VAT1L: variants seen among roughly 807,000 people sequenced by gnomAD.
VAT1L encodes putative NADPH-dependent quinone oxidoreductase VAT1L.
In VAT1L, 34 loss-of-function variants were observed where a neutral mutation model predicts 44.1. That is an observed-to-expected ratio of 0.77 (90% CI 0.59 to 1.03). The LOEUF is 1.03. Ranked by LOEUF, VAT1L falls within the 50% of genes least tolerant of loss-of-function variation. The probability of loss-of-function intolerance (pLI) is 0.00; values close to 1 mark genes in which losing one functional copy is unlikely to be tolerated. For synonymous variants in VAT1L, 253 were observed against 202.2 expected (o/e 1.25, Z -2.13); for missense variants, 615 against 538.8 (o/e 1.14, Z -1.40).
At chr16:77,903,290 A>C (rs959260999) in intron 7 of VAT1L, among the ~76,000 whole-genome samples, 1 of 152,112 alleles carries the variant, frequency 6.6e-6, no homozygotes, top group African/African-American at 2.4e-5. Context: ...TGTAAGCTCT[A>C]CCTCTGATTT....
intron 3 of VAT1L, among the ~76,000 whole-genome samples, chr16:77,842,435 G>A (rs964950199): frequency 5.9e-5 from 9 of 152,238 alleles, no homozygotes; most frequent in Non-Finnish European, 1.0e-4. Flanking sequence ...TGTGCATGGA[G>A]TGTGGAGTCT....
At chr16:77,852,350 C>T (rs569218844) in intron 3 of VAT1L, among the ~76,000 whole-genome samples, 3 of 152,328 alleles carry the variant, frequency 2.0e-5, no homozygotes, top group East Asian at 1.9e-4. Flanking sequence ...TGCTGTGCTC[C>T]GTGAGGACGG....
intron 4 of VAT1L, among the ~76,000 whole-genome samples, chr16:77,864,851 C>T (rs927571884): frequency 6.6e-6 from 1 of 151,970 alleles, no homozygotes; most frequent in Non-Finnish European, 1.5e-5. Context: ...GAAAGGAAAG[C>T]TTAAAGCTAG....
intron 4 of VAT1L, among the ~76,000 whole-genome samples, chr16:77,866,188 CA>C (rs2016972292): frequency 6.6e-6 from 1 of 152,228 alleles, no homozygotes; most frequent in Non-Finnish European, 1.5e-5. Flanking sequence ...GTTGCAGAGC[CA>C]AACCCTGCTT....
At chr16:77,824,756 A>G in intron 2 of VAT1L, among the ~76,000 whole-genome samples, 1 of 51,684 alleles carries the variant, frequency 1.9e-5, no homozygotes, top group Non-Finnish European at 4.6e-5. Flanking sequence ...ACTCCATCTC[A>G]AAAAAAAAAA....
chr16:77,918,348 A>G (rs2017572237), intron 7 of VAT1L, among the ~76,000 whole-genome samples: 1 of 152,204 alleles, frequency 6.6e-6, no homozygotes, highest in African/African-American at 2.4e-5. Flanking sequence ...CAAGGTAGAA[A>G]GTTCTCCTCA....
chr16:77,880,391 C>T (rs1170365494), intron 6 of VAT1L, among the ~76,000 whole-genome samples: 3 of 151,918 alleles, frequency 2.0e-5, no homozygotes, highest in Non-Finnish European at 2.9e-5. Flanking sequence ...AATTCCCGGG[C>T]TCAAGCAATC....
intron 7 of VAT1L, among the ~76,000 whole-genome samples, chr16:77,949,769 C>CTT (rs1213627960): frequency 1.3e-5 from 2 of 152,222 alleles, no homozygotes; most frequent in Admixed American, 1.3e-4. Context: ...CCAAATAACT[C>CTT]TTTTTTCTTT....
At chr16:77,799,210 C>T (rs1391575912) in intron 1 of VAT1L, among the ~76,000 whole-genome samples, 2 of 151,358 alleles carry the variant, frequency 1.3e-5, no homozygotes, top group Non-Finnish European at 1.5e-5. Flanking sequence ...TCTCCCGGTC[C>T]TCCTCCTCCT....
chr16:77,934,831 T>C (rs2017773400), intron 7 of VAT1L, among the ~76,000 whole-genome samples: 1 of 152,168 alleles, frequency 6.6e-6, no homozygotes, highest in African/African-American at 2.4e-5. Context: ...TACCAATTTG[T>C]GCCAGGTCTT....
intron 7 of VAT1L, among the ~76,000 whole-genome samples, chr16:77,935,925 A>T (rs1322823377): frequency 1.3e-5 from 2 of 152,200 alleles, no homozygotes; most frequent in African/African-American, 4.8e-5. Flanking sequence ...GCATTGTCTA[A>T]AACATGGTAG....
At chr16:77,850,310 G>C (rs1410523398) in intron 3 of VAT1L, among the ~76,000 whole-genome samples, 1 of 152,156 alleles carries the variant, frequency 6.6e-6, no homozygotes, top group Non-Finnish European at 1.5e-5. Context: ...ACCTGGTGAG[G>C]TAGGTAATAT....
chr16:77,810,597 G>C (rs1056956676), intron 1 of VAT1L, among the ~76,000 whole-genome samples: 6 of 152,130 alleles, frequency 3.9e-5, no homozygotes, highest in African/African-American at 7.2e-5. Context: ...CTGAGCCCAG[G>C]AGGTCAAGAC....
chr16:77,938,401 T>C (rs752852627), intron 7 of VAT1L, among the ~76,000 whole-genome samples: 3 of 152,210 alleles, frequency 2.0e-5, no homozygotes, highest in Non-Finnish European at 1.5e-5. Flanking sequence ...ACTGTGTGGG[T>C]GACATTGTTT....
chr16:77,810,462 G>A (rs1330542458), intron 1 of VAT1L, among the ~76,000 whole-genome samples: 1 of 152,028 alleles, frequency 6.6e-6, no homozygotes, highest in Admixed American at 6.6e-5. Context: ...TTTAAAAAAT[G>A]GAATCTCCAA....
intron 4 of VAT1L, among the ~76,000 whole-genome samples, chr16:77,870,218 C>A (rs917451408): frequency 6.6e-6 from 1 of 152,184 alleles, no homozygotes; most frequent in Non-Finnish European, 1.5e-5. Flanking sequence ...TGTGTCCAGT[C>A]CTCTATAAGA....
chr16:77,909,586 G>A, intron 7 of VAT1L, among the ~76,000 whole-genome samples: 1 of 145,316 alleles, frequency 6.9e-6, no homozygotes. Context: ...GCAGTGAGCT[G>A]AGATCGCAAC....
chr16:77,789,930 A>T (rs1002914276), intron 1 of VAT1L, among the ~76,000 whole-genome samples: 1 of 152,124 alleles, frequency 6.6e-6, no homozygotes, highest in South Asian at 2.1e-4. Flanking sequence ...CTAGGTTTGC[A>T]TGTTAAACTT....
chr16:77,868,580 G>C lies in VAT1L; in HGVS notation c.722+5690G>C, dbSNP rs2016999250. On this transcript the variant is annotated intron_variant, in intron 4 of 8. Transcript: ENST00000302536. ...TAGTTAAGTAAATATCACACAAATA[G>C]ACGTGACGGGACTCAGTTCCAGGTG... 2.0e-5 allele frequency among the ~76,000 whole-genome samples: 3 copies of C among 152,320 alleles called. No individual in the cohort carries two copies. In the East Asian group the frequency reaches 5.8e-4, roughly 29 times the overall value.
Sources: allele counts gnomAD v4.1 joint callset (sites outside exome capture counted in the v4.1 genomes callset), GRCh38; gene constraint gnomAD v4.1.1; transcripts MANE v1.5; gene names NCBI Gene and HGNC (gene_info 2026-07-23, HGNC 2026-07-21).